Variants in STX18 observed in about 807,000 individuals in gnomAD.
The protein encoded by STX18 is syntaxin 18.
Under a neutral mutation model 50.1 loss-of-function variants are expected in STX18, and 40 were observed. That is an observed-to-expected ratio of 0.80 (90% confidence interval 0.62 to 1.04). STX18 has a LOEUF of 1.04. Among genes scored for constraint, STX18 ranks in the 50% least tolerant of loss-of-function variants. The probability of loss-of-function intolerance (pLI) is 0.00; values close to 1 mark genes in which losing one functional copy is unlikely to be tolerated. For missense variants in STX18, 410 were observed against 415.8 expected, an observed-to-expected ratio of 0.99 and a Z score of 0.12; for synonymous variants, 158 against 151.8, an observed-to-expected ratio of 1.04 and a Z score of -0.30.
At chr4:4,501,447 T>C (rs1449818913) in intron 1 of STX18, among the ~76,000 whole-genome samples, 1 of 152,196 alleles carries the variant, frequency 6.6e-6, no homozygotes, top group Non-Finnish European at 1.5e-5. Flanking sequence ...TCTAATGCAA[T>C]TAAACCCAAT....
intron 1 of STX18, among the ~76,000 whole-genome samples, chr4:4,474,512 C>T (rs1370595520): frequency 6.6e-6 from 1 of 152,192 alleles, no homozygotes; most frequent in East Asian, 1.9e-4. Flanking sequence ...GAACCTGTGA[C>T]TATATGGTGT....
At chr4:4,514,972 G>A (rs1730182062) in intron 1 of STX18, among the ~76,000 whole-genome samples, 1 of 152,092 alleles carries the variant, frequency 6.6e-6, no homozygotes, top group South Asian at 2.1e-4. Context: ...AGGAGGGAAG[G>A]AAATCATATT....
intron 1 of STX18, among the ~76,000 whole-genome samples, chr4:4,492,824 C>A (rs949183704): frequency 6.6e-6 from 1 of 152,048 alleles, no homozygotes; most frequent in African/African-American, 2.4e-5. Context: ...AAAATGTGTG[C>A]ATTTAAGAGA....
Position 4,423,555 on chromosome 4 carries a change from C to T in STX18, c.794G>A (p.Arg265Lys), listed in dbSNP as rs530325544. 50 of 1,614,206 alleles carry T rather than the reference C, an allele frequency of 3.1e-5. No individual in the cohort carries two copies. The South Asian group carries it at 5.3e-4, about 17-fold the overall frequency. ...QIEGRVVEISRLQEIFTEKVL... is the reference protein window; with the variant it reads ...QIEGRVVEISKLQEIFTEKVL... ...CTTTTCCGTGAATATCTCTTGGAGT[C>T]TGGAAATCTCAACCACTCTCCCTTC... is the stretch of plus-strand genomic sequence containing the variant. Residue 265 changes from arginine (R) to lysine (K), a missense_variant, in exon 9 of 11, where the codon AGA becomes AAA. Transcript: ENST00000306200.
chr4:4,446,971 A>C (rs1264427795), intron 5 of STX18, among the ~76,000 whole-genome samples: 1 of 152,264 alleles, frequency 6.6e-6, no homozygotes, highest in Non-Finnish European at 1.5e-5. Context: ...AGAAGAACAT[A>C]GCAAGGGTAA....
chr4:4,534,031 T>A (rs1731222334), intron 1 of STX18, among the ~76,000 whole-genome samples: 1 of 152,208 alleles, frequency 6.6e-6, no homozygotes, highest in Non-Finnish European at 1.5e-5. Flanking sequence ...CTTGTACTTC[T>A]CGCCACCATA....
Position 4,468,315 on chromosome 4 carries a change from T to C in STX18, c.236+3324A>G, listed in dbSNP as rs1727725572. Among the ~76,000 whole-genome samples, 3 of 152,188 alleles carry C rather than the reference T, an allele frequency of 2.0e-5. No homozygotes were observed. The South Asian group carries it at 6.2e-4, about 31-fold the overall frequency. ...TTACCTAACTGTATGTATCTAATTA[T>C]GTGCTTACCTGGAAGTTGCAGGGGC... On this transcript the variant is annotated intron_variant, in intron 2 of 10. Transcript: ENST00000306200.
chr4:4,523,310 C>T (rs770346771), intron 1 of STX18, among the ~76,000 whole-genome samples: 1 of 152,224 alleles, frequency 6.6e-6, no homozygotes, highest in African/African-American at 2.4e-5. Context: ...AGGGACTACT[C>T]TGAGGCCCTC....
chr4:4,505,826 C>G (rs1366179281), intron 1 of STX18, among the ~76,000 whole-genome samples: 1 of 152,094 alleles, frequency 6.6e-6, no homozygotes, highest in African/African-American at 2.4e-5. Flanking sequence ...ATGGTTTCTA[C>G]TGAATGCTTA....
At chr4:4,439,171 CCCCCTACAT>C (rs1725959457) in intron 5 of STX18, among the ~76,000 whole-genome samples, 1 of 109,036 alleles carries the variant, frequency 9.2e-6, no homozygotes, top group African/African-American at 3.6e-5. Context: ...ACATATATAA[CCCCCTACAT>C]ACACACATAC....
chr4:4,456,868 C>T (rs1340455178), intron 5 of STX18, among the ~76,000 whole-genome samples: 1 of 152,180 alleles, frequency 6.6e-6, no homozygotes, highest in Non-Finnish European at 1.5e-5. Context: ...GATTTTGGAC[C>T]AACAGCCTAG....
At chr4:4,465,107 C>G (rs1727559146) in intron 2 of STX18, among the ~76,000 whole-genome samples, 1 of 151,988 alleles carries the variant, frequency 6.6e-6, no homozygotes, top group African/African-American at 2.4e-5. Flanking sequence ...TTAGCTGCAT[C>G]CCAGAGATTC....
chr4:4,532,271 T>C (rs1244225754), intron 1 of STX18, among the ~76,000 whole-genome samples: 1 of 152,226 alleles, frequency 6.6e-6, no homozygotes. Context: ...TGGTACTAAA[T>C]GTGAACTATT....
rs772444446 is a variant in STX18 at position 4,541,974 on chromosome 4, C to T, written c.-10G>A. On this transcript the variant is annotated 5_prime_UTR_variant, in exon 1 of 11. Coordinates refer to ENST00000306200, the MANE Select transcript of STX18 (RefSeq NM_016930.4). Reference sequence around the variant, plus strand: ...TGATGTCCACCGCCATAGCGACCCGCACCCTCAGCCCCACACTAGGCCCGC... The same window carrying T: ...TGATGTCCACCGCCATAGCGACCCGTACCCTCAGCCCCACACTAGGCCCGC... 3 of 1,595,992 alleles carry T rather than the reference C, an allele frequency of 1.9e-6. No individual in the cohort carries two copies. The highest frequency in any genetic ancestry group is 2.3e-5 in the South Asian group (2 of 88,508).
rs1196255140 is a variant in STX18, at chr4:4,450,919, T to C, written c.497+6272A>G. On this transcript the variant is annotated intron_variant, in intron 5 of 10. Transcript: ENST00000306200. Reference sequence around the variant, plus strand: ...GTCCAGAGGATGCTAATGTACAAGTTTCCAATTTAAAAGGAATTAAAGACT... The same window carrying C: ...GTCCAGAGGATGCTAATGTACAAGTCTCCAATTTAAAAGGAATTAAAGACT... Among the ~76,000 whole-genome samples the C allele has an allele frequency of 2.6e-5, 4 of 152,230 alleles. No individual in the cohort carries two copies. In the South Asian group the frequency reaches 6.2e-4, roughly 24 times the overall value.
At chr4:4,492,503 C>T (rs1170530177) in intron 1 of STX18, among the ~76,000 whole-genome samples, 1 of 152,056 alleles carries the variant, frequency 6.6e-6, no homozygotes, top group Non-Finnish European at 1.5e-5. Flanking sequence ...AGAAAAAAAG[C>T]ATAAAGAAAA....
intron 1 of STX18, among the ~76,000 whole-genome samples, chr4:4,477,052 A>G (rs982272467): frequency 6.6e-6 from 1 of 151,976 alleles, no homozygotes; most frequent in Non-Finnish European, 1.5e-5. Context: ...ATACAATTAA[A>G]AAAAACCAAA....
chr4:4,481,855 G>GACC (rs1224520148), intron 1 of STX18, among the ~76,000 whole-genome samples: 1 of 152,172 alleles, frequency 6.6e-6, no homozygotes, highest in African/African-American at 2.4e-5. Context: ...CTGTGCTCAG[G>GACC]ACCACAGCAG....
intron 1 of STX18, among the ~76,000 whole-genome samples, chr4:4,540,427 G>C (rs115620048): frequency 1.2e-3 from 176 of 152,322 alleles, no homozygotes; most frequent in African/African-American, 4.0e-3. Context: ...ACTTATGTCA[G>C]ACTGTTACCT....
Sources: gnomAD v4.1 joint callset for allele counts (sites outside exome capture counted in the v4.1 genomes callset) on GRCh38, gnomAD v4.1.1 for gene constraint, MANE v1.5 for transcripts, NCBI Gene and HGNC (gene_info 2026-07-23, HGNC 2026-07-21) for gene names.